Variants in EPSTI1 observed in about 807,000 individuals in gnomAD.
EPSTI1 encodes the protein epithelial-stromal interaction protein 1.
A neutral mutation model predicts 49.9 loss-of-function variants in EPSTI1; 66 were observed. The ratio of observed to expected loss-of-function variants is 1.32; its 90% CI spans 1.08 to 1.62. The LOEUF is 1.62. EPSTI1 is among the 40% of genes most tolerant of loss of function. EPSTI1 has a pLI of 0.00. For synonymous variants in EPSTI1, 137 were observed against 130.7 expected, an observed-to-expected ratio of 1.05 and a Z score of -0.33; for missense variants, 394 against 365.5, an observed-to-expected ratio of 1.08 and a Z score of -0.64.
intron 6 of EPSTI1, among the ~76,000 whole-genome samples, chr13:42,941,991 G>A (rs1388722961): frequency 4.6e-5 from 7 of 152,090 alleles, no homozygotes; most frequent in Non-Finnish European, 7.4e-5. Flanking sequence ...CAAATCCATA[G>A]TCTATATTAG....
At chr13:42,989,032 ATTT>A (rs74772535) in intron 1 of EPSTI1, among the ~76,000 whole-genome samples, 20 of 96,134 alleles carry the variant, frequency 2.1e-4, no homozygotes, top group East Asian at 1.7e-3. Context: ...GATAATTTAA[ATTT>A]TTTTTTTTTT....
intron 8 of EPSTI1, among the ~76,000 whole-genome samples, chr13:42,906,069 G>A (rs12870438): frequency 0.27 from 41,288 of 152,148 alleles, 7,054 homozygotes; most frequent in Non-Finnish European, 0.39. Flanking sequence ...TGCAAATAGC[G>A]CCACTGCCTG....
chr13:42,889,203 T>C (rs2036955009), intron 10 of EPSTI1: 1 of 1,573,576 alleles, frequency 6.4e-7, no homozygotes, highest in Non-Finnish European at 8.6e-7. Context: ...TGTTTTTAAG[T>C]GACCCACCTT....
At chr13:42,927,675 T>A (rs747573273) in intron 6 of EPSTI1, among the ~76,000 whole-genome samples, 2 of 152,084 alleles carry the variant, frequency 1.3e-5, no homozygotes, top group Non-Finnish European at 2.9e-5. Flanking sequence ...AGAAGCTTGA[T>A]CTGGGGAAGG....
At chr13:42,980,489 G>A (rs904013108) in intron 1 of EPSTI1, among the ~76,000 whole-genome samples, 1 of 152,204 alleles carries the variant, frequency 6.6e-6, no homozygotes, top group South Asian at 2.1e-4. Flanking sequence ...TTACATGGTG[G>A]CAGGCAAGAG....
rs971391706 is a variant in EPSTI1, at chr13:42,887,155, T to C, written c.*1339A>G. 1.3e-5 allele frequency: 2 copies of C among 152,228 alleles called. No homozygotes were observed. Among genetic ancestry groups the C allele is most frequent in the African/African-American group, 4.8e-5 (2 of 41,464 alleles). The allele number at this position is 152,228 out of a possible 1,614,324, so 9.4% of individuals were successfully genotyped here. A position where few individuals can be genotyped will look rare whatever the true frequency, so the allele number is the denominator to read the frequency against. On this transcript the variant is annotated 3_prime_UTR_variant, in exon 11 of 11. Coordinates refer to ENST00000313624, the MANE Select transcript of EPSTI1 (RefSeq NM_033255.5). ...ATAAGGCAATGACAAGGATTTCAAA[T>C]GGACCAAACATTTTATATTAGTGTC...
chr13:42,903,934 A>G (rs975388232), intron 8 of EPSTI1, among the ~76,000 whole-genome samples: 5 of 152,342 alleles, frequency 3.3e-5, no homozygotes, highest in African/African-American at 1.2e-4. Flanking sequence ...AAATTAAAAA[A>G]TTAACTGTTA....
chr13:42,955,902 T>C (rs1427510152), intron 5 of EPSTI1, among the ~76,000 whole-genome samples: 8 of 146,384 alleles, frequency 5.5e-5, no homozygotes, highest in African/African-American at 1.3e-4. Context: ...GTAGTAGTAG[T>C]AGTATTTCTG....
intron 6 of EPSTI1, chr13:42,935,000 G>GC (rs545324194): frequency 2.6e-4 from 40 of 152,252 alleles, no homozygotes; most frequent in South Asian, 1.5e-3. Flanking sequence ...CCTATGTGCT[G>GC]CCCCCCCACA....
At position 42,963,261 on chromosome 13, in the gene EPSTI1, T is replaced by C. The variant is rs150771459; in HGVS notation, c.483A>G (p.Arg161=). The change falls in exon 5 of 11, where the codon AGA becomes AGG. Residue 161 remains arginine (R), a synonymous_variant. Coordinates refer to ENST00000313624, the MANE Select transcript of EPSTI1 (RefSeq NM_033255.5). ...TAATCCTCCTCCTCCTTACCTTCTC[T>C]CTCTGAATTGCCTTCATTTTTTGGA... ...AELQKMKAIQ[R]EKSNKLEEKK... 202 of 1,612,798 alleles carry C rather than the reference T, an allele frequency of 1.3e-4. No homozygotes were observed. The highest frequency in any genetic ancestry group is 1.6e-4 in the Non-Finnish European group (193 of 1,179,170).
At chr13:42,927,561 C>T (rs1462786821) in intron 6 of EPSTI1, among the ~76,000 whole-genome samples, 2 of 152,168 alleles carry the variant, frequency 1.3e-5, no homozygotes, top group Non-Finnish European at 2.9e-5. Context: ...TCTGGTAGAA[C>T]AAATGGCATC....
At chr13:42,987,413 G>A (rs1202231577) in intron 1 of EPSTI1, among the ~76,000 whole-genome samples, 1 of 152,004 alleles carries the variant, frequency 6.6e-6, no homozygotes, top group East Asian at 1.9e-4. Context: ...CACCTCTAAG[G>A]AAAGATCTTC....
At chr13:42,932,984 A>G (rs2038428672) in intron 6 of EPSTI1, among the ~76,000 whole-genome samples, 1 of 152,210 alleles carries the variant, frequency 6.6e-6, no homozygotes, top group South Asian at 2.1e-4. Flanking sequence ...TACCCACTGA[A>G]TGTGTTAAGG....
At chr13:42,902,563 G>A (rs776355829) in intron 8 of EPSTI1, among the ~76,000 whole-genome samples, 5 of 152,140 alleles carry the variant, frequency 3.3e-5, no homozygotes, top group Non-Finnish European at 7.4e-5. Flanking sequence ...AGTGGTATAT[G>A]GGGAGAGAGT....
intron 10 of EPSTI1, among the ~76,000 whole-genome samples, chr13:42,893,351 TAAAGC>T (rs1484941203): frequency 6.6e-6 from 1 of 152,160 alleles, no homozygotes. Flanking sequence ...AGATAAATCA[TAAAGC>T]AAAGCAAGCA....
intron 7 of EPSTI1, among the ~76,000 whole-genome samples, chr13:42,921,770 G>A (rs1205765012): frequency 6.6e-6 from 1 of 152,042 alleles, no homozygotes; most frequent in African/African-American, 2.4e-5. Flanking sequence ...GAGAACTACT[G>A]TGTTAAAGGA....
At chr13:42,954,114 C>A in intron 5 of EPSTI1, 93 bp from the exon 6 acceptor site, 1 of 1,032,274 alleles carries the variant, frequency 9.7e-7, no homozygotes, top group South Asian at 1.5e-5. Context: ...TCCTAAGGTT[C>A]AACTGGCCTT....
At chr13:42,963,204 G>T in intron 5 of EPSTI1, 51 bp downstream of exon 5, 1 of 1,446,494 alleles carries the variant, frequency 6.9e-7, no homozygotes, top group Non-Finnish European at 9.6e-7. Context: ...CTTCTACAAC[G>T]AAACTATAAT....
intron 3 of EPSTI1, among the ~76,000 whole-genome samples, chr13:42,965,919 G>A (rs1437760222): frequency 1.7e-5 from 1 of 59,096 alleles, no homozygotes; most frequent in African/African-American, 4.8e-5. Context: ...TCAGTCTGCC[G>A]AATGCCTGCA....
Sources: gnomAD v4.1 joint callset for allele counts (sites outside exome capture counted in the v4.1 genomes callset) on GRCh38, gnomAD v4.1.1 for gene constraint, MANE v1.5 for transcripts, NCBI Gene and HGNC (gene_info 2026-07-23, HGNC 2026-07-21) for gene names.